The following AKAP19 variants were observed in gnomAD, a reference collection of about 807,000 sequenced individuals.
AKAP19 encodes the protein small A-kinase anchoring protein.
the AKAP19 span, among the ~76,000 whole-genome samples, chr2:189,992,022 T>C: frequency 6.6e-6 from 1 of 151,154 alleles, no homozygotes; most frequent in Non-Finnish European, 1.5e-5. Flanking sequence ...TAAAAATAGA[T>C]GAATTTTTAT....
chr2:189,973,558 G>C, the AKAP19 span, among the ~76,000 whole-genome samples: 1 of 152,268 alleles, frequency 6.6e-6, no homozygotes, highest in African/African-American at 2.4e-5. Context: ...CAGAAGGAGT[G>C]GTACCAGTTC....
chr2:190,134,341 T>C, the AKAP19 span, among the ~76,000 whole-genome samples: 1 of 152,170 alleles, frequency 6.6e-6, no homozygotes, highest in Non-Finnish European at 1.5e-5. Flanking sequence ...CTTTGTGGGA[T>C]ATAGCTTTAA....
the AKAP19 span, chr2:190,095,423 C>A: frequency 1.1e-4 from 17 of 151,494 alleles, no homozygotes; most frequent in African/African-American, 4.2e-4. Flanking sequence ...TGATTAGGTC[C>A]TGAGAGTGAC....
chr2:190,163,129 T>C, the AKAP19 span, among the ~76,000 whole-genome samples: 2 of 152,192 alleles, frequency 1.3e-5, no homozygotes, highest in Admixed American at 1.3e-4. Context: ...CCAGGAGATA[T>C]CAAGTCCTAT....
chr2:189,945,040 TAAATG>T, the AKAP19 span, among the ~76,000 whole-genome samples: 1 of 152,136 alleles, frequency 6.6e-6, no homozygotes, highest in South Asian at 2.1e-4. Context: ...TTTCTTGAAA[TAAATG>T]AAAATGGAAA....
At chr2:189,964,357 G>A in the AKAP19 span, among the ~76,000 whole-genome samples, 1 of 152,186 alleles carries the variant, frequency 6.6e-6, no homozygotes, top group Non-Finnish European at 1.5e-5. Flanking sequence ...GGTAGATTTA[G>A]CATAATTCTT....
At chr2:190,090,731 G>A in the AKAP19 span, among the ~76,000 whole-genome samples, 1 of 152,292 alleles carries the variant, frequency 6.6e-6, no homozygotes, top group South Asian at 2.1e-4. Flanking sequence ...GGCAGAAGGT[G>A]ACTCCCAGGG....
At chr2:190,045,296 C>G in the AKAP19 span, among the ~76,000 whole-genome samples, 5 of 152,162 alleles carry the variant, frequency 3.3e-5, no homozygotes, top group Non-Finnish European at 7.4e-5. Flanking sequence ...TCAGCTTGGA[C>G]TCTCCAAAGC....
the AKAP19 span, among the ~76,000 whole-genome samples, chr2:189,997,583 C>T: frequency 1.3e-5 from 2 of 152,162 alleles, no homozygotes; most frequent in Non-Finnish European, 2.9e-5. Context: ...ACCCAGCTCC[C>T]ATGCAGCTGG....
the AKAP19 span, among the ~76,000 whole-genome samples, chr2:189,936,041 C>T: frequency 6.6e-6 from 1 of 151,862 alleles, no homozygotes; most frequent in Admixed American, 6.6e-5. Context: ...TTTAGGAAAT[C>T]ATTTAATATT....
the AKAP19 span, among the ~76,000 whole-genome samples, chr2:190,027,800 C>A: frequency 1.3e-5 from 2 of 152,086 alleles, no homozygotes; most frequent in East Asian, 3.8e-4. Context: ...TATATGGTAG[C>A]TTGCTTTTCT....
the AKAP19 span, among the ~76,000 whole-genome samples, chr2:189,918,442 C>G: frequency 6.6e-6 from 1 of 151,920 alleles, no homozygotes; most frequent in Non-Finnish European, 1.5e-5. Flanking sequence ...GTAAAAACAC[C>G]CTAGACTCAA....
the AKAP19 span, among the ~76,000 whole-genome samples, chr2:190,139,658 C>A: frequency 3.3e-5 from 5 of 152,156 alleles, no homozygotes; most frequent in African/African-American, 1.2e-4. Flanking sequence ...TGAGAACTCA[C>A]TATCACAAAA....
At chr2:190,182,883 C>T in the AKAP19 span, among the ~76,000 whole-genome samples, 1 of 152,120 alleles carries the variant, frequency 6.6e-6, no homozygotes, top group Non-Finnish European at 1.5e-5. Flanking sequence ...ATCTGAATTT[C>T]TTTTTTCTCT....
the AKAP19 span, chr2:190,062,702 A>G: frequency 9.3e-7 from 1 of 1,073,422 alleles, no homozygotes; most frequent in Non-Finnish European, 1.3e-6. Flanking sequence ...GTACAGTCTG[A>G]GAGACAACTT....
At chr2:190,004,167 A>C in the AKAP19 span, among the ~76,000 whole-genome samples, 40 of 152,112 alleles carry the variant, frequency 2.6e-4, no homozygotes, top group African/African-American at 8.9e-4. Flanking sequence ...AGATATACCT[A>C]ATGCTAAATG....
At chr2:189,884,522 C>G in the AKAP19 span, among the ~76,000 whole-genome samples, 9 of 151,932 alleles carry the variant, frequency 5.9e-5, no homozygotes, top group Non-Finnish European at 1.0e-4. Flanking sequence ...ATTCTTGATC[C>G]CAGATGAAAA....
At chr2:190,135,523 T>C in the AKAP19 span, among the ~76,000 whole-genome samples, 161 of 152,260 alleles carry the variant, frequency 1.1e-3, 4 homozygotes, top group South Asian at 0.031. Flanking sequence ...GTTGGCCAAA[T>C]AATGTGTAGA....
At chr2:190,001,528 G>T in the AKAP19 span, among the ~76,000 whole-genome samples, 1 of 152,094 alleles carries the variant, frequency 6.6e-6, no homozygotes, top group African/African-American at 2.4e-5. Flanking sequence ...TTCCCTTGTG[G>T]AGTATTAGCA....
Sources: allele counts gnomAD v4.1 joint callset (sites outside exome capture counted in the v4.1 genomes callset), GRCh38; gene constraint gnomAD v4.1.1; transcripts MANE v1.5; gene names NCBI Gene and HGNC (gene_info 2026-07-23, HGNC 2026-07-21).